Variants in SNRK observed in about 807,000 individuals in gnomAD.
The protein encoded by SNRK is SNF related kinase.
A neutral mutation model predicts 48.2 loss-of-function variants in SNRK; 3 were observed. The observed-to-expected ratio is 0.06, with a 90% confidence interval of 0.03 to 0.16. The LOEUF is 0.16. Ranked by LOEUF, SNRK falls within the 10% of genes least tolerant of loss-of-function variation. The pLI is 1.00. For missense variants in SNRK, 627 were observed against 976.0 expected (o/e 0.64, Z 4.76); for synonymous variants, 376 against 366.1 (o/e 1.03, Z -0.31).
intron 6 of SNRK, among the ~76,000 whole-genome samples, chr3:43,345,346 C>G (rs1169310431): frequency 1.3e-5 from 2 of 152,140 alleles, no homozygotes; most frequent in Non-Finnish European, 2.9e-5. Context: ...AGGTAGAAAC[C>G]TGGACTGAGT....
intron 3 of SNRK, among the ~76,000 whole-genome samples, chr3:43,326,248 C>G (rs2091095593): frequency 6.6e-6 from 1 of 152,056 alleles, no homozygotes; most frequent in Non-Finnish European, 1.5e-5. Flanking sequence ...CTGAGCACTT[C>G]TTAGTCTCCT....
intron 3 of SNRK, among the ~76,000 whole-genome samples, chr3:43,306,185 A>G (rs773250437): frequency 2.6e-5 from 4 of 152,252 alleles, no homozygotes; most frequent in South Asian, 2.1e-4. Flanking sequence ...AGTTATTTCA[A>G]TTTATATTGT....
intron 4 of SNRK, among the ~76,000 whole-genome samples, chr3:43,336,255 C>T (rs2091187454): frequency 1.3e-5 from 2 of 149,960 alleles, no homozygotes; most frequent in Admixed American, 6.7e-5. Context: ...CCTTTCCTCC[C>T]CTCCTTACCC....
intron 4 of SNRK, among the ~76,000 whole-genome samples, chr3:43,337,967 C>A (rs1333245525): frequency 6.6e-6 from 1 of 152,170 alleles, no homozygotes; most frequent in East Asian, 1.9e-4. Flanking sequence ...CCAGGCTGGT[C>A]TGAGACTCCT....
chr3:43,299,900 T>C (rs1171027477), intron 2 of SNRK, 85 bp downstream of exon 2: 1 of 152,622 alleles, frequency 6.6e-6, no homozygotes. Flanking sequence ...GAATGACTTT[T>C]GGGAGCTGCA....
rs1264175070 is a variant in SNRK at position 43,343,434 on chromosome 3, A to G, written c.1035A>G (p.Ile345Met). Residue 345 changes from isoleucine (I) to methionine (M), a missense_variant, in exon 6 of 7, where the codon ATA becomes ATG. Physicochemically the swap from Ile to Met is conservative, Grantham distance 10. Transcript: ENST00000296088. ...RILREKQEKE[I>M]QTRSASPSNI... ...TGAGAGAAAAGCAAGAGAAAGAAAT[A>G]CAGACCAGATCTGCAAGCCCGAGCA... The G allele has an allele frequency of 6.2e-6, 10 of 1,614,086 alleles. No individual in the cohort carries two copies. The African/African-American group carries it at 1.3e-4, about 22-fold the overall frequency.
At chr3:43,297,359 T>A (rs1476107088) in intron 1 of SNRK, among the ~76,000 whole-genome samples, 1 of 152,212 alleles carries the variant, frequency 6.6e-6, no homozygotes, top group Admixed American at 6.5e-5. Flanking sequence ...AGTGAAAGTC[T>A]TGTATTAACT....
chr3:43,322,158 C>T (rs1370881117), intron 3 of SNRK, among the ~76,000 whole-genome samples: 2 of 152,182 alleles, frequency 1.3e-5, no homozygotes, highest in African/African-American at 4.8e-5. Flanking sequence ...GAAAAAAGAA[C>T]AGGGTCTAAT....
intron 1 of SNRK, among the ~76,000 whole-genome samples, chr3:43,294,626 G>T (rs2090838568): frequency 6.6e-6 from 1 of 151,968 alleles, no homozygotes; most frequent in African/African-American, 2.4e-5. Context: ...AAGGTAGCTT[G>T]CTTGCAGTCC....
chr3:43,291,403 A>G (rs2090811464), intron 1 of SNRK, among the ~76,000 whole-genome samples: 1 of 152,174 alleles, frequency 6.6e-6, no homozygotes, highest in African/African-American at 2.4e-5. Context: ...CCTAGTATCC[A>G]GTACAGGTGT....
At chr3:43,333,024 T>C (rs935690274) in intron 4 of SNRK, 2 of 151,728 alleles carry the variant, frequency 1.3e-5, no homozygotes, top group African/African-American at 4.8e-5. Context: ...AGAAACAGAG[T>C]TTTGAGTTTC....
chr3:43,311,757 A>T (rs2090980721), intron 3 of SNRK, among the ~76,000 whole-genome samples: 1 of 152,060 alleles, frequency 6.6e-6, no homozygotes, highest in Non-Finnish European at 1.5e-5. Flanking sequence ...GCTGAAACCG[A>T]TGGATGTCTG....
chr3:43,342,281 A>T (rs1166837991), intron 5 of SNRK, among the ~76,000 whole-genome samples: 1 of 152,022 alleles, frequency 6.6e-6, no homozygotes, highest in Non-Finnish European at 1.5e-5. Flanking sequence ...AGCTAGCCTC[A>T]CTCCGTGCTT....
chr3:43,349,968 G>GCAT lies in SNRK; in HGVS notation c.*1413_*1415dup, dbSNP rs1559474207. ...TGTGTCTGAGGTGACGGACTGAGAC[G>GCAT]CATCTGGTCCTGTAATTCAGAGAGT... On this transcript the variant is annotated 3_prime_UTR_variant, in exon 7 of 7. Coordinates refer to ENST00000296088, the MANE Select transcript of SNRK (RefSeq NM_017719.5). The GCAT allele has an allele frequency of 6.6e-6, 1 of 152,140 alleles. No individual in the cohort carries two copies. Among genetic ancestry groups the GCAT allele is most frequent in the African/African-American group, 2.4e-5 (1 of 41,418 alleles). 9.4% of individuals were successfully genotyped at this position (152,140 alleles called of 1,614,324 possible).
At chr3:43,329,031 T>C (rs2091125047) in intron 3 of SNRK, among the ~76,000 whole-genome samples, 1 of 152,240 alleles carries the variant, frequency 6.6e-6, no homozygotes, top group Non-Finnish European at 1.5e-5. Context: ...AGTAGATTAC[T>C]ATTAGTACTT....
intron 5 of SNRK, among the ~76,000 whole-genome samples, chr3:43,342,559 G>A (rs1175642470): frequency 6.6e-6 from 1 of 152,150 alleles, no homozygotes; most frequent in Non-Finnish European, 1.5e-5. Flanking sequence ...AGTGTTCATT[G>A]TGTGAGTATT....
Position 43,349,344 on chromosome 3 carries a change from C to G in SNRK, c.*787C>G, listed in dbSNP as rs979678028. The G allele has an allele frequency of 6.6e-6, 1 of 152,630 alleles. No homozygotes were observed. The highest frequency in any genetic ancestry group is 1.5e-5 in the Non-Finnish European group (1 of 68,034). The allele number at this position is 152,630 out of a possible 1,614,324, so 9.5% of individuals were successfully genotyped here. On this transcript the variant is annotated 3_prime_UTR_variant, in exon 7 of 7. Transcript: ENST00000296088. ...ACTTAGAGAGTGTATGTCTGTCTAA[C>G]AGAACAAAAAGATGCTCTGTGTAAA...
intron 3 of SNRK, among the ~76,000 whole-genome samples, chr3:43,331,433 G>C (rs2091145488): frequency 6.6e-6 from 1 of 152,180 alleles, no homozygotes. Flanking sequence ...AGCTAGCCCA[G>C]CCTTACCATT....
intron 4 of SNRK, among the ~76,000 whole-genome samples, chr3:43,335,486 T>C (rs577184856): frequency 3.3e-5 from 5 of 152,026 alleles, no homozygotes; most frequent in Non-Finnish European, 5.9e-5. Context: ...TTCAAATTGC[T>C]GAGACTTGCT....
Sources: allele counts gnomAD v4.1 joint callset (sites outside exome capture counted in the v4.1 genomes callset), GRCh38; gene constraint gnomAD v4.1.1; transcripts MANE v1.5; gene names NCBI Gene and HGNC (gene_info 2026-07-23, HGNC 2026-07-21).